The following APLF variants were observed in gnomAD, a reference collection of about 807,000 sequenced individuals.
APLF encodes aprataxin and PNKP like factor.
APLF carries 61 observed loss-of-function variants against 55.6 expected under a neutral mutation model. The ratio of observed to expected loss-of-function variants is 1.10; its 90% CI spans 0.89 to 1.36. The LOEUF (loss-of-function observed/expected upper bound fraction) is 1.36, where lower values mean the gene tolerates loss of function less well. Among genes scored for constraint, APLF ranks in the 40% most tolerant of loss-of-function variants. The pLI is 0.00. For synonymous variants in APLF, 207 were observed against 214.8 expected (o/e 0.96, Z 0.32); for missense variants, 611 against 602.5 (o/e 1.01, Z -0.15).
Position 68,529,166 on chromosome 2 carries a change from G to GT in APLF, c.804+2924_804+2925insT, listed in dbSNP as rs1488455350. ...AGACAGCACGGGTTTCTTCCTTGAG[G>GT]GGGGGCTCCAGACAACAGGAGGCAG... On this transcript the variant is annotated intron_variant, in intron 6 of 9. Coordinates refer to ENST00000303795, the MANE Select transcript of APLF (RefSeq NM_173545.3). The surrounding 1 kb of genome is among the most constrained non-coding windows in gnomAD (Gnocchi z 4.4). 3 of 1,298,894 alleles carry GT rather than the reference G, an allele frequency of 2.3e-6. No individual in the cohort carries two copies. Among genetic ancestry groups the GT allele is most frequent in the African/African-American group, 3.0e-5 (2 of 67,262 alleles). The allele number at this position is 1,298,894 out of a possible 1,614,324, so 80.5% of individuals were successfully genotyped here.
intron 5 of APLF, among the ~76,000 whole-genome samples, chr2:68,525,516 C>T (rs1029396345): frequency 6.6e-6 from 1 of 151,932 alleles, no homozygotes; most frequent in African/African-American, 2.4e-5. Context: ...AATTATAATT[C>T]CCATTATCCA....
chr2:68,559,449 A>T (rs867355342), intron 8 of APLF, among the ~76,000 whole-genome samples: 55 of 152,260 alleles, frequency 3.6e-4, no homozygotes, highest in Middle Eastern at 6.8e-3. Flanking sequence ...ACTTTGTGTA[A>T]TAGGTAGATC....
At position 68,478,004 on chromosome 2, in the gene APLF, T is replaced by TA. The variant is rs1243744565; in HGVS notation, c.96+10189dup. Reference sequence around the variant, plus strand: ...AGCCAAACTATACTATATCACTCTTTAAAAAAAAAAAAGGTGATGTCTCAT... The same window carrying TA: ...AGCCAAACTATACTATATCACTCTTTAAAAAAAAAAAAAGGTGATGTCTCAT... On this transcript the variant is annotated intron_variant, in intron 1 of 9. Coordinates refer to ENST00000303795, the MANE Select transcript of APLF (RefSeq NM_173545.3). Among the ~76,000 whole-genome samples, 560 of 142,778 alleles carry TA rather than the reference T, an allele frequency of 3.9e-3. 3 individuals carry two copies. The highest frequency in any genetic ancestry group is 0.011 in the African/African-American group (431 of 39,084). 93.7% of individuals were successfully genotyped at this position (142,778 alleles called of 152,430 possible). A position where few individuals can be genotyped will look rare whatever the true frequency, so the allele number is the denominator to read the frequency against.
chr2:68,518,953 T>C (rs1178500525), intron 5 of APLF, among the ~76,000 whole-genome samples: 1 of 123,480 alleles, frequency 8.1e-6, no homozygotes, highest in Non-Finnish European at 1.6e-5. Context: ...TATAATATTA[T>C]TAATAATACA....
At chr2:68,522,597 C>T (rs184025024) in intron 5 of APLF, among the ~76,000 whole-genome samples, 1 of 151,856 alleles carries the variant, frequency 6.6e-6, no homozygotes, top group Admixed American at 6.6e-5. Context: ...TCATGGAACT[C>T]TCCTGATCTG....
chr2:68,544,498 TTAA>T (rs1670644949), intron 7 of APLF, among the ~76,000 whole-genome samples: 1 of 152,218 alleles, frequency 6.6e-6, no homozygotes, highest in Non-Finnish European at 1.5e-5. Flanking sequence ...TTCTTGGAAG[TTAA>T]TAATTATTTA....
intron 5 of APLF, among the ~76,000 whole-genome samples, chr2:68,514,382 T>C (rs1401687103): frequency 6.6e-6 from 1 of 151,842 alleles, no homozygotes; most frequent in African/African-American, 2.4e-5. Context: ...ATATTATGGA[T>C]GATACATTGT....
chr2:68,516,896 A>G (rs13408752), intron 5 of APLF, among the ~76,000 whole-genome samples: 261 of 131,736 alleles, frequency 2.0e-3, no homozygotes, highest in African/African-American at 7.0e-3. Context: ...ATAATATAAT[A>G]ATATATTATA....
chr2:68,538,553 A>T (rs1208082668), intron 7 of APLF, among the ~76,000 whole-genome samples: 1 of 134,628 alleles, frequency 7.4e-6, no homozygotes, highest in East Asian at 2.0e-4. Context: ...TATTAGAGAG[A>T]TGGCTTCCTA....
chr2:68,543,635 C>T (rs372903847), intron 7 of APLF, among the ~76,000 whole-genome samples: 14 of 152,212 alleles, frequency 9.2e-5, no homozygotes, highest in Non-Finnish European at 1.5e-4. Flanking sequence ...AAGGCTTATA[C>T]GAGAATGCTC....
intron 1 of APLF, among the ~76,000 whole-genome samples, chr2:68,485,128 C>T (rs1676096300): frequency 6.6e-6 from 1 of 152,068 alleles, no homozygotes; most frequent in Non-Finnish European, 1.5e-5. Flanking sequence ...AAATGTGTAA[C>T]TGTGCCATAA....
intron 1 of APLF, among the ~76,000 whole-genome samples, chr2:68,478,910 T>C (rs1675867224): frequency 6.6e-6 from 1 of 152,238 alleles, no homozygotes; most frequent in Non-Finnish European, 1.5e-5. Context: ...CCAGCTGCCA[T>C]TCTTTTGGTT....
At chr2:68,526,365 C>A in intron 6 of APLF, 123 bp downstream of exon 6, 1 of 1,423,962 alleles carries the variant, frequency 7.0e-7, no homozygotes. Context: ...GAAGACAAAA[C>A]TAGCCCAATT....
At chr2:68,546,714 TG>T (rs1670718063) in intron 8 of APLF, among the ~76,000 whole-genome samples, 3 of 151,844 alleles carry the variant, frequency 2.0e-5, no homozygotes, top group African/African-American at 7.2e-5. Context: ...CATTCATTTA[TG>T]AAAAAAACTT....
chr2:68,524,184 A>G (rs1260927998), intron 5 of APLF, among the ~76,000 whole-genome samples: 1 of 152,190 alleles, frequency 6.6e-6, no homozygotes, highest in Non-Finnish European at 1.5e-5. Flanking sequence ...CAAGCTACTC[A>G]GTCCTATTAA....
intron 8 of APLF, among the ~76,000 whole-genome samples, chr2:68,549,367 C>A (rs551316113): frequency 7.2e-5 from 11 of 152,024 alleles, no homozygotes; most frequent in Admixed American, 5.2e-4. Context: ...GTTGCCTGGT[C>A]CTTTGAATAT....
intron 1 of APLF, among the ~76,000 whole-genome samples, chr2:68,468,501 C>T (rs948626228): frequency 6.6e-6 from 1 of 152,170 alleles, no homozygotes; most frequent in Admixed American, 6.5e-5. Flanking sequence ...TTATTATCCT[C>T]ATTGTTCAGA....
intron 2 of APLF, among the ~76,000 whole-genome samples, chr2:68,492,197 G>A (rs1439396024): frequency 1.3e-5 from 2 of 152,142 alleles, no homozygotes; most frequent in Non-Finnish European, 2.9e-5. Flanking sequence ...GTACTAATAA[G>A]GCTGGGCGCG....
intron 6 of APLF, chr2:68,535,156 G>T: frequency 3.7e-6 from 1 of 270,084 alleles, no homozygotes; most frequent in Non-Finnish European, 7.6e-6. Context: ...TCCTTGTGAG[G>T]ATTTAAAAAT....
Sources: allele counts gnomAD v4.1 joint callset (sites outside exome capture counted in the v4.1 genomes callset), GRCh38; gene constraint gnomAD v4.1.1; non-coding constraint Gnocchi (gnomAD v3.1); transcripts MANE v1.5; gene names NCBI Gene and HGNC (gene_info 2026-07-23, HGNC 2026-07-21).